The following ADAMTSL1 variants were observed in gnomAD, a reference collection of about 807,000 sequenced individuals.
ADAMTSL1 encodes ADAMTS like 1.
In ADAMTSL1, 126 loss-of-function variants were observed where a neutral mutation model predicts 201.8. The observed-to-expected ratio is 0.62, with a 90% CI of 0.54 to 0.72. The LOEUF is 0.72. Among genes scored for constraint, ADAMTSL1 ranks in the 30% least tolerant of loss-of-function variants. The pLI, the probability that ADAMTSL1 is intolerant of heterozygous loss-of-function variation, is 0.00. For missense variants in ADAMTSL1, 2,679 were observed against 2,277.8 expected (o/e 1.18, Z -3.59); for synonymous variants, 1,121 against 903.4 (o/e 1.24, Z -4.32).
intron 1 of ADAMTSL1, among the ~76,000 whole-genome samples, chr9:17,921,514 A>C (rs1041339999): frequency 3.8e-4 from 58 of 152,200 alleles, no homozygotes; most frequent in Admixed American, 3.8e-3. Context: ...TATGGTGTTC[A>C]ACCTGCCATG....
intron 2 of ADAMTSL1, among the ~76,000 whole-genome samples, chr9:18,181,533 A>G (rs1249034169): frequency 1.3e-5 from 2 of 152,046 alleles, no homozygotes; most frequent in African/African-American, 2.4e-5. Context: ...AACACATGAA[A>G]AAATGCTCAC....
At chr9:18,115,512 G>A (rs1039329226) in intron 1 of ADAMTSL1, among the ~76,000 whole-genome samples, 1 of 152,176 alleles carries the variant, frequency 6.6e-6, no homozygotes, top group African/African-American at 2.4e-5. Flanking sequence ...ACCAATGATA[G>A]TGGTAAGAGA....
rs1713020053 is a variant in ADAMTSL1, at chr9:18,910,341, AAAG to A, written c.*1794_*1796del. The A allele has an allele frequency of 6.6e-6, 1 of 152,242 alleles. No homozygotes were observed. The highest frequency in any genetic ancestry group is 2.4e-5 in the African/African-American group (1 of 41,458). 9.4% of individuals were successfully genotyped at this position (152,242 alleles called of 1,614,324 possible). ...ATATTTATTAGGATTTCTTATTAAA[AAAG>A]TGCAATATTAATAATTGTACATTGT... On this transcript the variant is annotated 3_prime_UTR_variant, in exon 29 of 29. Coordinates refer to ENST00000380548, the MANE Select transcript of ADAMTSL1 (RefSeq NM_001040272.6).
intron 23 of ADAMTSL1, among the ~76,000 whole-genome samples, chr9:18,847,343 C>G (rs1826189588): frequency 6.6e-6 from 1 of 152,272 alleles, no homozygotes; most frequent in Non-Finnish European, 1.5e-5. Context: ...AACAGACACA[C>G]TTACTGAGTT....
Position 18,817,243 on chromosome 9 carries a change from A to C in ADAMTSL1, c.3934+6A>C. The stretch of plus-strand genomic sequence containing the variant: ...AATCAACTGCCAGGTTGCAGGTGAG[A>C]AATTAATGTTCATTTGTTCACACGT... On this transcript the variant is annotated splice_donor_region_variant and intron_variant, in intron 21 of 28. Coordinates refer to ENST00000380548, the MANE Select transcript of ADAMTSL1 (RefSeq NM_001040272.6). The C allele has an allele frequency of 6.4e-7, 1 of 1,552,174 alleles. No homozygotes were observed. Among genetic ancestry groups the C allele is most frequent in the South Asian group, 1.2e-5 (1 of 83,968 alleles).
At chr9:18,063,423 C>G (rs1385840266) in intron 1 of ADAMTSL1, among the ~76,000 whole-genome samples, 2 of 152,166 alleles carry the variant, frequency 1.3e-5, no homozygotes, top group Non-Finnish European at 2.9e-5. Context: ...CTTTAGAAAC[C>G]AAGAGGAAAA....
At chr9:18,759,767 G>A (rs1255611477) in intron 16 of ADAMTSL1, among the ~76,000 whole-genome samples, 1 of 152,184 alleles carries the variant, frequency 6.6e-6, no homozygotes, top group Admixed American at 6.5e-5. Context: ...TAACAAGAAT[G>A]TAAAACCTTG....
At position 18,533,213 on chromosome 9, in the gene ADAMTSL1, G is replaced by A. The variant is rs770045646; in HGVS notation, c.192-34G>A. The A allele has an allele frequency of 1.1e-5, 17 of 1,576,160 alleles. No homozygotes were observed. In the Admixed American group the frequency reaches 1.7e-4, roughly 16 times the overall value. On this transcript the variant is annotated intron_variant, in intron 2 of 28. Coordinates refer to ENST00000380548, the MANE Select transcript of ADAMTSL1 (RefSeq NM_001040272.6). Reference sequence around the variant, plus strand: ...ATTTCTGATTTTGAGCTTTTCATAAGTAGTAATATTTCTTTTTTCTTTTTG... The same window carrying A: ...ATTTCTGATTTTGAGCTTTTCATAAATAGTAATATTTCTTTTTTCTTTTTG...
intron 2 of ADAMTSL1, among the ~76,000 whole-genome samples, chr9:18,194,049 C>G (rs1829076915): frequency 6.6e-6 from 1 of 151,872 alleles, no homozygotes; most frequent in Non-Finnish European, 1.5e-5. Context: ...AGAAATGTGA[C>G]TGATAAACCT....
At chr9:18,725,434 T>G (rs1235621143) in intron 15 of ADAMTSL1, among the ~76,000 whole-genome samples, 2 of 152,226 alleles carry the variant, frequency 1.3e-5, no homozygotes, top group African/African-American at 4.8e-5. Flanking sequence ...GTTAGGACCA[T>G]TTTTGCTTGT....
At chr9:18,467,940 T>C (rs1821068608) in intron 2 of ADAMTSL1, among the ~76,000 whole-genome samples, 1 of 152,220 alleles carries the variant, frequency 6.6e-6, no homozygotes, top group Non-Finnish European at 1.5e-5. Flanking sequence ...TATAATTGTT[T>C]TATCTGTGGA....
chr9:18,433,782 T>G (rs1819601138), intron 2 of ADAMTSL1, among the ~76,000 whole-genome samples: 1 of 152,188 alleles, frequency 6.6e-6, no homozygotes, highest in African/African-American at 2.4e-5. Flanking sequence ...TTCAAATAGT[T>G]CCACAAGTTT....
intron 4 of ADAMTSL1, among the ~76,000 whole-genome samples, chr9:18,601,533 A>G (rs1227320015): frequency 1.3e-5 from 2 of 152,190 alleles, no homozygotes; most frequent in African/African-American, 4.8e-5. Flanking sequence ...TTAATTAGCC[A>G]TGGCCAGGGG....
chr9:18,798,622 T>C (rs1029656695), intron 20 of ADAMTSL1, among the ~76,000 whole-genome samples: 2 of 152,166 alleles, frequency 1.3e-5, no homozygotes, highest in Non-Finnish European at 2.9e-5. Flanking sequence ...ATAGGGAAGC[T>C]AGATTAGCCA....
intron 4 of ADAMTSL1, among the ~76,000 whole-genome samples, chr9:18,575,176 T>C (rs889452024): frequency 8.5e-5 from 13 of 152,184 alleles, no homozygotes; most frequent in African/African-American, 1.7e-4. Flanking sequence ...TCAAATTTAT[T>C]TTTTTAAAAC....
intron 12 of ADAMTSL1, among the ~76,000 whole-genome samples, chr9:18,682,249 G>A (rs956846827): frequency 6.6e-6 from 1 of 152,138 alleles, no homozygotes; most frequent in Non-Finnish European, 1.5e-5. Flanking sequence ...CTTAAAGGGA[G>A]ACCAGATATT....
At chr9:18,353,838 A>G (rs1836086011) in intron 2 of ADAMTSL1, among the ~76,000 whole-genome samples, 1 of 152,148 alleles carries the variant, frequency 6.6e-6, no homozygotes, top group Non-Finnish European at 1.5e-5. Context: ...AAATAGCCTT[A>G]TTATGTCTTC....
At chr9:18,484,885 T>C (rs1217637321) in intron 1 of ADAMTSL1, among the ~76,000 whole-genome samples, 2 of 152,164 alleles carry the variant, frequency 1.3e-5, no homozygotes, top group Non-Finnish European at 2.9e-5. Context: ...GGTTGGCAGG[T>C]AGGTAGGAGT....
chr9:18,174,534 G>A (rs1319482909), intron 2 of ADAMTSL1, among the ~76,000 whole-genome samples: 1 of 152,102 alleles, frequency 6.6e-6, no homozygotes, highest in African/African-American at 2.4e-5. Flanking sequence ...CAGGCTGTGA[G>A]CAGTGACAAA....
Sources: allele counts gnomAD v4.1 joint callset (sites outside exome capture counted in the v4.1 genomes callset), GRCh38; gene constraint gnomAD v4.1.1; transcripts MANE v1.5; gene names NCBI Gene and HGNC (gene_info 2026-07-23, HGNC 2026-07-21).